TAOK3: variants seen among roughly 807,000 people sequenced by gnomAD.
TAOK3 encodes the protein TAO kinase 3, also known as serine/threonine-protein kinase TAO3.
Under a neutral mutation model 120.4 loss-of-function variants are expected in TAOK3, and 40 were observed. That is an observed-to-expected ratio of 0.33 (90% CI 0.26 to 0.43). The LOEUF (loss-of-function observed/expected upper bound fraction) is 0.43. Ranked by LOEUF, TAOK3 falls within the 20% of genes least tolerant of loss-of-function variation. The pLI is 1.00. For synonymous variants in TAOK3, 355 were observed against 387.5 expected (o/e 0.92, Z 0.99); for missense variants, 821 against 1,112.1 (o/e 0.74, Z 3.72).
At position 118,161,809 on chromosome 12, in the gene TAOK3, C is replaced by T; in HGVS notation, c.2118G>A (p.Arg706=). Residue 706 remains arginine, a synonymous_variant, in exon 18 of 21, where the codon CGG becomes CGA. Coordinates refer to ENST00000392533, the MANE Select transcript of TAOK3 (RefSeq NM_016281.4). The surrounding 1 kb of genome is among the most constrained non-coding windows in gnomAD (Gnocchi z 4.5). ...TTACCTTTAAGTTTTTTGGCTGTTGCCGAAGTTCCATGACATGCTTTCTGT... is the reference window on the plus strand; with the variant it reads ...TTACCTTTAAGTTTTTTGGCTGTTGTCGAAGTTCCATGACATGCTTTCTGT... ...ELHRKHVMEL[R]QQPKNLKAME... 5 of 1,614,184 alleles carry T rather than the reference C, an allele frequency of 3.1e-6. No homozygotes were observed. The highest frequency in any genetic ancestry group is 4.2e-6 in the Non-Finnish European group (5 of 1,180,034).
chr12:118,245,168 G>A (rs892175005), intron 3 of TAOK3, among the ~76,000 whole-genome samples: 1 of 152,088 alleles, frequency 6.6e-6, no homozygotes, highest in South Asian at 2.1e-4. Flanking sequence ...AAGCAGCAGG[G>A]ATTACAGGCA....
intron 2 of TAOK3, 30 bp from the exon 3 acceptor site, chr12:118,255,685 T>G (rs901504721): frequency 7.4e-6 from 8 of 1,086,604 alleles, no homozygotes; most frequent in African/African-American, 3.2e-5. Flanking sequence ...GCCATTAAAT[T>G]ATTTCTAACA....
At chr12:118,189,743 C>G in intron 14 of TAOK3, 64 bp downstream of exon 14, 1 of 1,599,122 alleles carries the variant, frequency 6.3e-7, no homozygotes, top group Non-Finnish European at 8.6e-7. Flanking sequence ...TCAGGGAGGG[C>G]GAGAGGCTGC....
At chr12:118,347,008 T>C (rs1172599185) in intron 1 of TAOK3, among the ~76,000 whole-genome samples, 1 of 152,164 alleles carries the variant, frequency 6.6e-6, no homozygotes, top group Admixed American at 6.5e-5. Flanking sequence ...TAGGCCTTTT[T>C]TCTTTTTTTA....
chr12:118,331,415 T>C (rs1171875135), intron 1 of TAOK3, among the ~76,000 whole-genome samples: 1 of 151,668 alleles, frequency 6.6e-6, no homozygotes, highest in Non-Finnish European at 1.5e-5. Flanking sequence ...GAGGCCGAGG[T>C]AGGTGGATCG....
intron 9 of TAOK3, among the ~76,000 whole-genome samples, chr12:118,226,998 G>A (rs1383434252): frequency 6.6e-6 from 1 of 151,978 alleles, no homozygotes; most frequent in Admixed American, 6.6e-5. Context: ...GGTATATGTA[G>A]TTTGTACAAT....
At chr12:118,335,765 G>C (rs902914116) in intron 1 of TAOK3, among the ~76,000 whole-genome samples, 1 of 152,174 alleles carries the variant, frequency 6.6e-6, no homozygotes, top group Non-Finnish European at 1.5e-5. Context: ...GGAGGCAGAG[G>C]CTGCAGTGAG....
At chr12:118,294,363 T>C (rs988040749) in intron 1 of TAOK3, among the ~76,000 whole-genome samples, 1 of 151,978 alleles carries the variant, frequency 6.6e-6, no homozygotes, top group African/African-American at 2.4e-5. Flanking sequence ...TAGTTTACAT[T>C]TTCCAGAATT....
intron 17 of TAOK3, among the ~76,000 whole-genome samples, chr12:118,169,004 T>C (rs111571421): frequency 4.8e-4 from 59 of 121,698 alleles, no homozygotes; most frequent in African/African-American, 7.5e-4. Flanking sequence ...TTCCTTCCTT[T>C]CTTTCTTTCT....
chr12:118,330,367 T>C (rs1345903533), intron 1 of TAOK3, among the ~76,000 whole-genome samples: 1 of 152,214 alleles, frequency 6.6e-6, no homozygotes. Flanking sequence ...TAAATATATC[T>C]ATTGGTGGTA....
chr12:118,277,053 A>G (rs770452239), intron 1 of TAOK3, among the ~76,000 whole-genome samples: 1 of 152,246 alleles, frequency 6.6e-6, no homozygotes, highest in Non-Finnish European at 1.5e-5. Context: ...TATACAACTT[A>G]TATGAAACAA....
chr12:118,362,294 A>T (rs1443524741), intron 1 of TAOK3, among the ~76,000 whole-genome samples: 1 of 149,354 alleles, frequency 6.7e-6, no homozygotes, highest in Non-Finnish European at 1.5e-5. Flanking sequence ...AAAATACACC[A>T]ACACTAACAA....
intron 1 of TAOK3, among the ~76,000 whole-genome samples, chr12:118,303,487 G>A (rs1179126172): frequency 2.6e-5 from 4 of 152,284 alleles, no homozygotes; most frequent in African/African-American, 9.6e-5. Flanking sequence ...AATGCTATGA[G>A]ACATTTCTTT....
intron 13 of TAOK3, among the ~76,000 whole-genome samples, chr12:118,194,591 C>T (rs555739651): frequency 6.6e-6 from 1 of 150,802 alleles, no homozygotes; most frequent in African/African-American, 2.4e-5. Context: ...ACTAGAACAT[C>T]CTATTCCCTC....
At chr12:118,296,408 A>G (rs2042683094) in intron 1 of TAOK3, among the ~76,000 whole-genome samples, 1 of 152,214 alleles carries the variant, frequency 6.6e-6, no homozygotes. Context: ...TGCTGAGATT[A>G]TAGGCGTGAG....
At chr12:118,319,135 T>G (rs2043595119) in intron 1 of TAOK3, among the ~76,000 whole-genome samples, 1 of 152,226 alleles carries the variant, frequency 6.6e-6, no homozygotes, top group South Asian at 2.1e-4. Flanking sequence ...TGGTGATGGA[T>G]ATGTTATCTA....
chr12:118,247,359 A>T (rs1274913983), intron 3 of TAOK3, among the ~76,000 whole-genome samples: 1 of 152,132 alleles, frequency 6.6e-6, no homozygotes, highest in African/African-American at 2.4e-5. Flanking sequence ...GCCTTGTCTC[A>T]TAATTATGTC....
At chr12:118,343,027 T>A (rs1296030250) in intron 1 of TAOK3, among the ~76,000 whole-genome samples, 1 of 151,742 alleles carries the variant, frequency 6.6e-6, no homozygotes, top group African/African-American at 2.4e-5. Context: ...ATACTGTTTC[T>A]TAGGCTTAAA....
In TAOK3 at chr12:118,372,495, G is replaced by A. The variant is rs1442921083; in HGVS notation, c.-194+153C>T. 6.6e-6 allele frequency among the ~76,000 whole-genome samples: 1 copy of A among 151,290 alleles called. No individual in the cohort carries two copies. Among genetic ancestry groups the A allele is most frequent in the Non-Finnish European group, 1.5e-5 (1 of 67,832 alleles). On this transcript the variant is annotated intron_variant, in intron 1 of 20. Transcript: ENST00000392533. The surrounding 1 kb of genome is among the most constrained non-coding windows in gnomAD (Gnocchi z 4.6). ...AGAGCCACTGCCTCGGTCCCTCTCGGAGTCCCCTCTCCTCACCCGCTGTCC... is the reference window on the plus strand; with the variant it reads ...AGAGCCACTGCCTCGGTCCCTCTCGAAGTCCCCTCTCCTCACCCGCTGTCC...
Sources: allele counts gnomAD v4.1 joint callset (sites outside exome capture counted in the v4.1 genomes callset), GRCh38; gene constraint gnomAD v4.1.1; non-coding constraint Gnocchi (gnomAD v3.1); transcripts MANE v1.5; gene names NCBI Gene and HGNC (gene_info 2026-07-23, HGNC 2026-07-21).